Variants in LEKR1 observed in about 807,000 individuals in gnomAD.
LEKR1 encodes protein LEKR1.
Under a neutral mutation model 72.4 loss-of-function variants are expected in LEKR1, and 59 were observed. The ratio of observed to expected loss-of-function variants is 0.82; its 90% CI spans 0.66 to 1.01. The LOEUF (loss-of-function observed/expected upper bound fraction) is 1.01, where lower values mean the gene tolerates loss of function less well. LEKR1 is among the 50% of genes least tolerant of loss of function. The pLI is 0.00. For missense variants in LEKR1, 728 were observed against 759.2 expected (o/e 0.96, Z 0.48); for synonymous variants, 257 against 263.2 (o/e 0.98, Z 0.23).
At chr3:156,880,097 C>T (rs1719105910) in intron 3 of LEKR1, among the ~76,000 whole-genome samples, 2 of 152,160 alleles carry the variant, frequency 1.3e-5, no homozygotes, top group Admixed American at 6.5e-5. Context: ...TCCTCCAGAC[C>T]CCAGAATTTT....
At chr3:156,894,958 C>T (rs1260592334) in intron 3 of LEKR1, among the ~76,000 whole-genome samples, 3 of 152,076 alleles carry the variant, frequency 2.0e-5, no homozygotes, top group African/African-American at 4.8e-5. Flanking sequence ...GAGGCAATAC[C>T]GTTCAGGACA....
At chr3:156,888,607 A>G (rs369948747) in intron 3 of LEKR1, 292 of 489,284 alleles carry the variant, frequency 6.0e-4, no homozygotes, top group African/African-American at 4.7e-3. Flanking sequence ...TAAGCATGCC[A>G]TGTTCTCTAG....
chr3:156,958,726 G>C (rs550621702), intron 6 of LEKR1, among the ~76,000 whole-genome samples: 5 of 152,154 alleles, frequency 3.3e-5, no homozygotes, highest in Admixed American at 6.6e-5. Context: ...TCTTCACCTT[G>C]ACTTCTAGTA....
intron 12 of LEKR1, among the ~76,000 whole-genome samples, chr3:157,034,869 G>GT (rs1196540347): frequency 1.3e-5 from 2 of 152,094 alleles, no homozygotes; most frequent in Admixed American, 1.3e-4. Context: ...CTGGAGTGCA[G>GT]TGGCGCAATC....
chr3:157,003,113 C>A (rs1290624221), intron 9 of LEKR1, among the ~76,000 whole-genome samples: 1 of 152,170 alleles, frequency 6.6e-6, no homozygotes, highest in Non-Finnish European at 1.5e-5. Flanking sequence ...AATAAGACTT[C>A]TTTTCCAACA....
chr3:156,877,217 A>G (rs1718705371), intron 3 of LEKR1, among the ~76,000 whole-genome samples: 1 of 152,136 alleles, frequency 6.6e-6, no homozygotes. Flanking sequence ...TTGATTAGCT[A>G]TTAAATAGTA....
At chr3:157,017,901 A>T (rs190673368) in intron 10 of LEKR1, among the ~76,000 whole-genome samples, 147 of 146,138 alleles carry the variant, frequency 1.0e-3, no homozygotes, top group Non-Finnish European at 1.5e-3. Context: ...GTCAGCCAAG[A>T]TCAGGCCACT....
At chr3:156,849,938 C>T (rs1470356579) in intron 2 of LEKR1, among the ~76,000 whole-genome samples, 1 of 152,140 alleles carries the variant, frequency 6.6e-6, no homozygotes, top group East Asian at 1.9e-4. Context: ...ATCTTCTGCA[C>T]AGCAAAAGAA....
At chr3:156,867,266 T>C (rs979750601) in intron 3 of LEKR1, among the ~76,000 whole-genome samples, 1 of 152,084 alleles carries the variant, frequency 6.6e-6, no homozygotes, top group Non-Finnish European at 1.5e-5. Context: ...GTAGTCCAAA[T>C]TGGAAACTTT....
chr3:156,849,308 A>G (rs930920008), intron 2 of LEKR1, among the ~76,000 whole-genome samples: 4 of 152,218 alleles, frequency 2.6e-5, no homozygotes, highest in African/African-American at 4.8e-5. Context: ...GGAAGAATCA[A>G]TATCATGAAA....
intron 5 of LEKR1, among the ~76,000 whole-genome samples, chr3:156,929,456 G>A (rs1285241175): frequency 6.6e-6 from 1 of 152,054 alleles, no homozygotes; most frequent in Non-Finnish European, 1.5e-5. Flanking sequence ...TTGCTTAAAG[G>A]TGGGATTAAT....
intron 11 of LEKR1, among the ~76,000 whole-genome samples, chr3:157,025,874 G>T (rs915006482): frequency 2.3e-5 from 3 of 132,988 alleles, no homozygotes; most frequent in Non-Finnish European, 3.3e-5. Context: ...AAAAAAAAAA[G>T]ACTTAATTAG....
chr3:156,979,072 G>T, intron 6 of LEKR1, 122 bp from the exon 7 acceptor site: 1 of 407,400 alleles, frequency 2.5e-6, no homozygotes. Context: ...CAGGCAAAGT[G>T]GAATAAGCAG....
chr3:156,870,240 T>C (rs1717771272), intron 3 of LEKR1, among the ~76,000 whole-genome samples: 1 of 152,084 alleles, frequency 6.6e-6, no homozygotes, highest in African/African-American at 2.4e-5. Context: ...CTGTGAAAAA[T>C]GACATTGATA....
At chr3:156,841,083 G>A (rs548784991) in intron 2 of LEKR1, among the ~76,000 whole-genome samples, 2 of 152,304 alleles carry the variant, frequency 1.3e-5, no homozygotes, top group East Asian at 3.9e-4. Context: ...GTGATTTAGT[G>A]CCATGTAAGA....
chr3:156,878,539 A>T (rs1472671371), intron 3 of LEKR1, among the ~76,000 whole-genome samples: 1 of 152,186 alleles, frequency 6.6e-6, no homozygotes, highest in African/African-American at 2.4e-5. Context: ...TTGTTTTGTG[A>T]ACTCTCATGT....
chr3:156,924,472 A>G, intron 4 of LEKR1: 1 of 649,126 alleles, frequency 1.5e-6, no homozygotes, highest in Non-Finnish European at 2.8e-6. Flanking sequence ...TTTTTAATGA[A>G]ATATAATTTA....
At chr3:156,924,726 C>T in intron 4 of LEKR1, 1 of 405,460 alleles carries the variant, frequency 2.5e-6, no homozygotes, top group Non-Finnish European at 4.3e-6. Flanking sequence ...TATTGAATTG[C>T]CTCAGCATCT....
At position 156,982,112 on chromosome 3, in the gene LEKR1, G is replaced by T. The variant is rs567061664; in HGVS notation, c.827+2837G>T. On this transcript the variant is annotated intron_variant, in intron 7 of 12. Transcript: ENST00000356539. Reference sequence around the variant, plus strand: ...GATTTTTAAGAAAATATTTTCCAAGGTTTAAAAGAACGTTGTTATGTATTT... The same window carrying T: ...GATTTTTAAGAAAATATTTTCCAAGTTTTAAAAGAACGTTGTTATGTATTT... Among the ~76,000 whole-genome samples the T allele has an allele frequency of 7.7e-4, 118 of 152,290 alleles. 1 individual carries two copies. The highest frequency in any genetic ancestry group is 2.5e-3 in the African/African-American group (105 of 41,572).
Sources: allele counts gnomAD v4.1 joint callset (sites outside exome capture counted in the v4.1 genomes callset), GRCh38; gene constraint gnomAD v4.1.1; transcripts MANE v1.5; gene names NCBI Gene and HGNC (gene_info 2026-07-23, HGNC 2026-07-21).